The following PGLYRP1 variants were observed in gnomAD, a reference collection of about 807,000 sequenced individuals.
PGLYRP1 encodes the protein TNF superfamily, member 3 (LTB)-like (peptidoglycan recognition protein).
A neutral mutation model predicts 16.3 loss-of-function variants in PGLYRP1; 18 were observed. The observed-to-expected ratio is 1.11, with a 90% confidence interval of 0.77 to 1.64. The LOEUF is 1.64. PGLYRP1 is among the 40% of genes most tolerant of loss of function. The pLI is 0.00. For missense variants in PGLYRP1, 261 were observed against 268.6 expected (o/e 0.97, Z 0.20); for synonymous variants, 89 against 105.7 (o/e 0.84, Z 0.97).
rs757784096 is a variant in PGLYRP1, at chr19:46,019,245, G to A, written c.584C>T (p.Ser195Phe). The change falls in exon 3 of 3, where the codon TCC becomes TTC. Residue 195 changes from serine to phenylalanine, a missense_variant. Coordinates refer to ENST00000008938, the MANE Select transcript of PGLYRP1 (RefSeq NM_005091.3). This position sits in a 1 kb window ranked among gnomAD's most constrained non-coding sequence, Gnocchi z 4.8. ...GTGCGGATCAGCAGGGCCTCAGGGG[G>A]AGCGGTAGTGTGGCCAATTCTGGAT... Reference protein sequence around the residue: ...HLIQNWPHYRSP With the variant: ...HLIQNWPHYRFP 6.2e-6 allele frequency: 10 copies of A among 1,613,636 alleles called. No homozygotes were observed. The highest frequency in any genetic ancestry group is 1.7e-5 in the Admixed American group (1 of 59,980).
chr19:46,022,858 CGT>C lies in PGLYRP1; in HGVS notation c.162_163del (p.Arg55LeufsTer146). 1 of 1,613,178 alleles carries C rather than the reference CGT, an allele frequency of 6.2e-7. No individual in the cohort carries two copies. Among genetic ancestry groups the C allele is most frequent in the Non-Finnish European group, 8.5e-7 (1 of 1,179,568 alleles). ...CGCCGTGTGCGATACCACCACATAG[CGT>C]AAGGGCAGGCTCAGGTGCTGGGCGC... On this transcript the variant is annotated frameshift_variant, in exon 1 of 3. Coordinates refer to ENST00000008938, the MANE Select transcript of PGLYRP1 (RefSeq NM_005091.3). LOFTEE classifies it high-confidence loss of function.
rs761694336 is a variant in PGLYRP1, at chr19:46,022,957, T to C, written c.65A>G (p.Gln22Arg). 1.9e-5 allele frequency: 30 copies of C among 1,607,332 alleles called. No individual in the cohort carries two copies. Among genetic ancestry groups the C allele is most frequent in the Non-Finnish European group, 2.4e-5 (28 of 1,176,822 alleles). ...LPSLLRLGAAQETEDPACCSP... is the reference protein window; with the variant it reads ...LPSLLRLGAARETEDPACCSP... ...GCAGCAGGCCGGGTCTTCTGTCTCC[T>C]GAGCCGCTCCGAGTCGAAGGAGGCT... Residue 22 changes from glutamine to arginine, a missense_variant, in exon 1 of 3, where the codon CAG (glutamine) becomes CGG (arginine). Transcript: ENST00000008938.
chr19:46,022,628 G>C (rs1969057280), intron 1 of PGLYRP1, 107 bp downstream of exon 1: 1 of 1,287,838 alleles, frequency 7.8e-7, no homozygotes, highest in Admixed American at 1.9e-5. Flanking sequence ...CAGGGTGTCA[G>C]CCAGGTGGCC....
chr19:46,020,131 G>A (rs538007858), intron 1 of PGLYRP1, among the ~76,000 whole-genome samples: 273 of 147,888 alleles, frequency 1.8e-3, no homozygotes, highest in African/African-American at 6.5e-3. Flanking sequence ...TTTTTAAGAC[G>A]GGGTTTCACT....
chr19:46,021,854 C>G lies in PGLYRP1; in HGVS notation c.287+881G>C, dbSNP rs1028528702. Among the ~76,000 whole-genome samples, 10 of 152,298 alleles carry G rather than the reference C, an allele frequency of 6.6e-5. No homozygotes were observed. The South Asian group carries it at 2.1e-3, about 32-fold the overall frequency. ...GCCACCCTGTCCTTCCCACAGGACCCGCCCACTCAACCCCGTTGGCTTTGC... is the reference window on the plus strand; with the variant it reads ...GCCACCCTGTCCTTCCCACAGGACCGGCCCACTCAACCCCGTTGGCTTTGC... On this transcript the variant is annotated intron_variant, in intron 1 of 2. Transcript: ENST00000008938.
intron 1 of PGLYRP1, among the ~76,000 whole-genome samples, chr19:46,022,440 G>A (rs1466280330): frequency 2.0e-5 from 3 of 152,254 alleles, no homozygotes; most frequent in Non-Finnish European, 4.4e-5. Flanking sequence ...CCTTCATAAG[G>A]CGTCGCGGAC....
chr19:46,022,705 G>T (rs1379473833), intron 1 of PGLYRP1, 30 bp downstream of exon 1: 4 of 1,612,198 alleles, frequency 2.5e-6, no homozygotes, highest in Non-Finnish European at 3.4e-6. Context: ...GGGATCCCCA[G>T]TCCAGCCCGT....
chr19:46,022,598 G>T, intron 1 of PGLYRP1, 137 bp downstream of exon 1: 1 of 924,674 alleles, frequency 1.1e-6, no homozygotes, highest in Non-Finnish European at 1.7e-6. Context: ...AAATGACCTT[G>T]TGAGGTTCAG....
Position 46,019,859 on chromosome 19 carries a change from C to T in PGLYRP1, c.288-212G>A, listed in dbSNP as rs768666696. ...GTGCCAAGCACAGCTCTGCATACAC[C>T]TTTTTCCATCCTCACAGCAACCCTG... On this transcript the variant is annotated intron_variant, in intron 1 of 2. Transcript: ENST00000008938. This position sits in a 1 kb window ranked among gnomAD's most constrained non-coding sequence, Gnocchi z 4.8. Among the ~76,000 whole-genome samples the T allele has an allele frequency of 6.6e-6, 1 of 152,194 alleles. No individual in the cohort carries two copies. The highest frequency in any genetic ancestry group is 2.4e-5 in the African/African-American group (1 of 41,444).
chr19:46,022,707 C>T (rs1969058242), intron 1 of PGLYRP1, 28 bp downstream of exon 1: 1 of 1,612,252 alleles, frequency 6.2e-7, no homozygotes, highest in Admixed American at 1.7e-5. Context: ...GATCCCCAGT[C>T]CAGCCCGTGC....
At position 46,022,916 on chromosome 19, in the gene PGLYRP1, G is replaced by A; in HGVS notation, c.106C>T (p.Arg36Trp). The A allele has an allele frequency of 1.9e-6, 3 of 1,611,358 alleles. No individual in the cohort carries two copies. Among genetic ancestry groups the A allele is most frequent in the African/African-American group, 1.3e-5 (1 of 75,036 alleles). Reference sequence around the variant, plus strand: ...GATGCCAGGGCCTTCCACTCGTTCCGGGGCACTATGGGGCTGCAGCAGGCC... The same window carrying A: ...GATGCCAGGGCCTTCCACTCGTTCCAGGGCACTATGGGGCTGCAGCAGGCC... Reference protein sequence around the residue: ...DPACCSPIVPRNEWKALASEC... With the variant: ...DPACCSPIVPWNEWKALASEC... The change falls in exon 1 of 3, where the codon CGG (arginine) becomes TGG (tryptophan). Residue 36 changes from arginine (R) to tryptophan (W), a missense_variant. Arg to Trp is a moderately radical substitution (Grantham distance 101, BLOSUM62 -3). Coordinates refer to ENST00000008938, the MANE Select transcript of PGLYRP1 (RefSeq NM_005091.3).
intron 1 of PGLYRP1, among the ~76,000 whole-genome samples, chr19:46,020,442 CAG>C (rs918720238): frequency 6.6e-6 from 1 of 152,122 alleles, no homozygotes; most frequent in African/African-American, 2.4e-5. Context: ...TCATCTTAAG[CAG>C]AGAGAGCAGA....
At chr19:46,021,851 A>G (rs879848719) in intron 1 of PGLYRP1, among the ~76,000 whole-genome samples, 2 of 151,656 alleles carry the variant, frequency 1.3e-5, no homozygotes, top group African/African-American at 4.9e-5. Context: ...TTCCCACAGG[A>G]CCCGCCCACT....
At chr19:46,022,543 T>G (rs1031938464) in intron 1 of PGLYRP1, among the ~76,000 whole-genome samples, 192 bp downstream of exon 1, 1 of 152,244 alleles carries the variant, frequency 6.6e-6, no homozygotes, top group African/African-American at 2.4e-5. Context: ...CACGCATCTT[T>G]GTGCTGTGAG....
intron 1 of PGLYRP1, chr19:46,021,238 T>C (rs1969040996): frequency 6.6e-6 from 1 of 152,194 alleles, no homozygotes; most frequent in Non-Finnish European, 1.5e-5. Flanking sequence ...CGTGACCTCA[T>C]GGGAACACTT....
At chr19:46,020,422 CTT>C (rs1001189778) in intron 1 of PGLYRP1, among the ~76,000 whole-genome samples, 22 of 152,234 alleles carry the variant, frequency 1.4e-4, no homozygotes, top group African/African-American at 5.1e-4. Context: ...GGCAGGGACT[CTT>C]ATCATCCTCA....
rs933635402 is a variant in PGLYRP1 at position 46,019,742 on chromosome 19, C to T, written c.288-95G>A. On this transcript the variant is annotated intron_variant, in intron 1 of 2. Transcript: ENST00000008938. This position sits in a 1 kb window ranked among gnomAD's most constrained non-coding sequence, Gnocchi z 4.8. The stretch of plus-strand genomic sequence containing the variant: ...CCACTCACCCTGCCTCCGTTACTGC[C>T]GTGGTGCACACAACTTCCCCAGCAT... 38 of 1,312,378 alleles carry T rather than the reference C, an allele frequency of 2.9e-5. No homozygotes were observed. Among genetic ancestry groups the T allele is most frequent in the African/African-American group, 1.6e-4 (11 of 68,568 alleles). 81.3% of individuals were successfully genotyped at this position (1,312,378 alleles called of 1,614,324 possible).
At chr19:46,020,042 C>T (rs1168961519) in intron 1 of PGLYRP1, among the ~76,000 whole-genome samples, 1 of 151,912 alleles carries the variant, frequency 6.6e-6, no homozygotes. Context: ...TCCTGCCTCC[C>T]TAGAGGATTT....
At position 46,019,371 on chromosome 19, in the gene PGLYRP1, G is replaced by A; in HGVS notation, c.458C>T (p.Ala153Val). Residue 153 changes from alanine to valine, a missense_variant, in exon 3 of 3, where the codon GCC becomes GTC. Transcript: ENST00000008938. This position sits in a 1 kb window ranked among gnomAD's most constrained non-coding sequence, Gnocchi z 4.8. ...QAIRAAQGLL[A>V]CGVAQGALRS... ...CAGGGCTCCCTGAGCCACACCGCAGGCCAGTAGACCCTGGGCTGCCCGGAT... is the reference window on the plus strand; with the variant it reads ...CAGGGCTCCCTGAGCCACACCGCAGACCAGTAGACCCTGGGCTGCCCGGAT... 6.2e-7 allele frequency: 1 copy of A among 1,613,760 alleles called. No individual in the cohort carries two copies. The highest frequency in any genetic ancestry group is 8.5e-7 in the Non-Finnish European group (1 of 1,179,930).
Sources: gnomAD v4.1 joint callset for allele counts (sites outside exome capture counted in the v4.1 genomes callset) on GRCh38, gnomAD v4.1.1 for gene constraint, Gnocchi (gnomAD v3.1) non-coding constraint, MANE v1.5 for transcripts, NCBI Gene and HGNC (gene_info 2026-07-23, HGNC 2026-07-21) for gene names.